The following GALNTL6 variants were observed in gnomAD, a reference collection of about 807,000 sequenced individuals.
GALNTL6 encodes polypeptide N-acetylgalactosaminyltransferase-like 6.
GALNTL6 carries 46 observed loss-of-function variants against 73.7 expected under a neutral mutation model. The ratio of observed to expected loss-of-function variants is 0.62; its 90% CI spans 0.49 to 0.80. The LOEUF is 0.80. Ranked by LOEUF, GALNTL6 falls within the 30% of genes least tolerant of loss-of-function variation. GALNTL6 has a pLI of 0.00. For synonymous variants in GALNTL6, 259 were observed against 263.7 expected (o/e 0.98, Z 0.17); for missense variants, 604 against 755.0 (o/e 0.80, Z 2.34).
chr4:172,520,549 T>G (rs1323224256), intron 5 of GALNTL6, among the ~76,000 whole-genome samples: 1 of 151,928 alleles, frequency 6.6e-6, no homozygotes, highest in African/African-American at 2.4e-5. Flanking sequence ...TTTTCGTTTT[T>G]TTTTTCAACT....
chr4:172,609,871 G>A (rs942115110), intron 5 of GALNTL6, among the ~76,000 whole-genome samples: 1 of 151,592 alleles, frequency 6.6e-6, no homozygotes, highest in Non-Finnish European at 1.5e-5. Flanking sequence ...CAATTTTGCA[G>A]CTTGTTATTG....
chr4:172,946,122 AGC>A (rs1181431149), intron 9 of GALNTL6, among the ~76,000 whole-genome samples: 2 of 92,144 alleles, frequency 2.2e-5, no homozygotes, highest in Non-Finnish European at 4.4e-5. Context: ...TTGGGGAAAA[AGC>A]GTGTGTGTGT....
At chr4:172,178,881 C>T (rs1383191078) in intron 2 of GALNTL6, among the ~76,000 whole-genome samples, 8 of 116,980 alleles carry the variant, frequency 6.8e-5, no homozygotes, top group Non-Finnish European at 1.4e-4. Flanking sequence ...GTTCAATTCC[C>T]ACCTATGAGT....
chr4:172,871,049 C>G (rs1020573362), intron 7 of GALNTL6, among the ~76,000 whole-genome samples: 1 of 152,150 alleles, frequency 6.6e-6, no homozygotes, highest in South Asian at 2.1e-4. Flanking sequence ...GCTACAACTA[C>G]AAATGCCAGA....
intron 2 of GALNTL6, among the ~76,000 whole-genome samples, chr4:172,007,693 C>T (rs1310297991): frequency 6.6e-6 from 1 of 152,092 alleles, no homozygotes; most frequent in African/African-American, 2.4e-5. Flanking sequence ...TTCAGAGAAA[C>T]ATCAACCTTA....
At chr4:172,065,347 C>G (rs991792303) in intron 2 of GALNTL6, among the ~76,000 whole-genome samples, 3 of 152,156 alleles carry the variant, frequency 2.0e-5, no homozygotes, top group African/African-American at 4.8e-5. Context: ...CCATAATGCT[C>G]TCTTGCCCAC....
intron 4 of GALNTL6, among the ~76,000 whole-genome samples, chr4:172,314,400 T>G (rs1443683995): frequency 1.3e-5 from 2 of 152,130 alleles, no homozygotes; most frequent in Non-Finnish European, 2.9e-5. Context: ...TTGATCTTAT[T>G]CTAAAGCATA....
chr4:172,162,704 G>A (rs1026195785), intron 2 of GALNTL6, among the ~76,000 whole-genome samples: 4 of 151,912 alleles, frequency 2.6e-5, no homozygotes, highest in African/African-American at 9.7e-5. Flanking sequence ...ATATTTTCTG[G>A]CTGTTTTTCT....
chr4:172,142,009 A>G (rs960431420), intron 2 of GALNTL6, among the ~76,000 whole-genome samples: 1 of 152,032 alleles, frequency 6.6e-6, no homozygotes, highest in African/African-American at 2.4e-5. Flanking sequence ...GTGTACACAC[A>G]CAAAAATTTG....
intron 8 of GALNTL6, among the ~76,000 whole-genome samples, chr4:172,910,597 A>G (rs561420475): frequency 1.3e-5 from 2 of 152,352 alleles, no homozygotes; most frequent in South Asian, 4.1e-4. Context: ...AAATACATCT[A>G]TATCTGCATT....
At chr4:172,745,722 CAGG>C (rs1225852255) in intron 5 of GALNTL6, among the ~76,000 whole-genome samples, 2 of 151,922 alleles carry the variant, frequency 1.3e-5, no homozygotes, top group Non-Finnish European at 2.9e-5. Context: ...GGAGTCGTGG[CAGG>C]AGATTGGAGA....
At chr4:172,404,528 A>G (rs1336832505) in intron 5 of GALNTL6, among the ~76,000 whole-genome samples, 2 of 152,102 alleles carry the variant, frequency 1.3e-5, no homozygotes, top group African/African-American at 2.4e-5. Flanking sequence ...GATTTCTATC[A>G]TAAGAGCCTT....
chr4:172,226,880 T>C (rs897927181), intron 2 of GALNTL6, among the ~76,000 whole-genome samples: 3 of 152,214 alleles, frequency 2.0e-5, no homozygotes, highest in Non-Finnish European at 4.4e-5. Context: ...AATGCTTCTT[T>C]TTAAAAATCT....
chr4:172,684,693 C>T (rs1732818816), intron 5 of GALNTL6, among the ~76,000 whole-genome samples: 1 of 152,036 alleles, frequency 6.6e-6, no homozygotes, highest in Non-Finnish European at 1.5e-5. Context: ...AAGAGATGAA[C>T]CTTTGGTGGC....
chr4:171,993,334 G>A (rs1740393672), intron 2 of GALNTL6, among the ~76,000 whole-genome samples: 1 of 151,400 alleles, frequency 6.6e-6, no homozygotes, highest in African/African-American at 2.4e-5. Flanking sequence ...TTTTTTCTGT[G>A]GATGAAGAGA....
chr4:173,000,154 C>G (rs985125510), intron 10 of GALNTL6, among the ~76,000 whole-genome samples: 8 of 152,090 alleles, frequency 5.3e-5, no homozygotes, highest in Admixed American at 4.6e-4. Flanking sequence ...ATTTAATACT[C>G]ACATCACATT....
intron 2 of GALNTL6, among the ~76,000 whole-genome samples, chr4:172,203,577 G>T (rs1414119207): frequency 2.0e-5 from 3 of 151,986 alleles, no homozygotes; most frequent in African/African-American, 7.3e-5. Flanking sequence ...TTTTTAACCT[G>T]GGAGGCAAGG....
chr4:172,615,758 G>T (rs1738703809), intron 5 of GALNTL6, among the ~76,000 whole-genome samples: 1 of 151,990 alleles, frequency 6.6e-6, no homozygotes, highest in African/African-American at 2.4e-5. Flanking sequence ...AATCTAAATT[G>T]CAAAGCTATT....
At chr4:172,784,774 G>T (rs1739561258) in intron 5 of GALNTL6, among the ~76,000 whole-genome samples, 1 of 152,202 alleles carries the variant, frequency 6.6e-6, no homozygotes, top group Non-Finnish European at 1.5e-5. Context: ...CAATTTAGAT[G>T]AAGTGCTTGT....
Sources: gnomAD v4.1 joint callset for allele counts (sites outside exome capture counted in the v4.1 genomes callset) on GRCh38, gnomAD v4.1.1 for gene constraint, MANE v1.5 for transcripts, NCBI Gene and HGNC (gene_info 2026-07-23, HGNC 2026-07-21) for gene names.